The following TRIM16 variants were observed in gnomAD, a reference collection of about 807,000 sequenced individuals.
TRIM16 encodes the protein tripartite motif containing 16, also known as tripartite motif-containing protein 16.
A neutral mutation model predicts 50.4 loss-of-function variants in TRIM16; 33 were observed. That is an observed-to-expected ratio of 0.65 (90% CI 0.50 to 0.88). TRIM16 has a LOEUF of 0.88. TRIM16 is among the 40% of genes least tolerant of loss of function. The probability of loss-of-function intolerance (pLI) is 0.00; values close to 1 mark genes in which losing one functional copy is unlikely to be tolerated. For missense variants in TRIM16, 581 were observed against 686.8 expected (o/e 0.85, Z 1.72); for synonymous variants, 229 against 270.7 (o/e 0.85, Z 1.51).
At chr17:15,630,692 C>T (rs949080062) in intron 11 of TRIM16, among the ~76,000 whole-genome samples, 2 of 150,434 alleles carry the variant, frequency 1.3e-5, no homozygotes, top group East Asian at 2.0e-4. Context: ...TGGTGGCATG[C>T]GCCTGTGGTC....
intron 4 of TRIM16, among the ~76,000 whole-genome samples, chr17:15,680,013 G>A (rs946154729): frequency 6.6e-6 from 1 of 151,468 alleles, no homozygotes; most frequent in African/African-American, 2.4e-5. Flanking sequence ...AGTATAAGAA[G>A]CCTTTAAGTT....
intron 4 of TRIM16, 125 bp from the exon 5 acceptor site, chr17:15,677,846 A>G (rs1989012602): frequency 1.2e-6 from 1 of 819,420 alleles, no homozygotes; most frequent in African/African-American, 1.9e-5. Flanking sequence ...GAATCTTAAA[A>G]TCTTAAAATG....
In TRIM16 at chr17:15,629,183, G is replaced by A. The variant is rs201327520; in HGVS notation, c.1127C>T (p.Thr376Met). 77 of 1,610,520 alleles carry A rather than the reference G, an allele frequency of 4.8e-5. No individual in the cohort carries two copies. The highest frequency in any genetic ancestry group is 1.3e-5 in the African/African-American group (1 of 74,890). ...CTTGTGTGCTGTGTCCGGGTCAAAC[G>A]TGATGTCATACGCATCTGAGGAGAC... ...EQFLQYAYDI[T>M]FDPDTAHKYL... Residue 376 changes from threonine to methionine, a missense_variant, in exon 12 of 12, where the codon ACG (threonine) becomes ATG (methionine). Thr to Met is a moderately conservative substitution (Grantham distance 81, BLOSUM62 -1). Coordinates refer to ENST00000649191, the MANE Select transcript of TRIM16 (RefSeq NM_001348119.1).
chr17:15,655,113 C>T (rs1052203218), intron 6 of TRIM16, among the ~76,000 whole-genome samples: 4 of 152,184 alleles, frequency 2.6e-5, no homozygotes, highest in African/African-American at 9.7e-5. Context: ...CTGGCTTCTC[C>T]CAGTCCAGAC....
At chr17:15,663,107 C>A (rs1356584831) in intron 6 of TRIM16, among the ~76,000 whole-genome samples, 1 of 152,086 alleles carries the variant, frequency 6.6e-6, no homozygotes, top group Non-Finnish European at 1.5e-5. Flanking sequence ...GGGCACAATA[C>A]CCCCTCAGGA....
At chr17:15,631,383 G>T (rs1214117296) in intron 11 of TRIM16, among the ~76,000 whole-genome samples, 2 of 152,198 alleles carry the variant, frequency 1.3e-5, no homozygotes, top group Non-Finnish European at 2.9e-5. Context: ...GAGAAACTGA[G>T]TGAAAGATAT....
chr17:15,640,484 T>G (rs1292547907), intron 8 of TRIM16, among the ~76,000 whole-genome samples: 2 of 148,416 alleles, frequency 1.3e-5, no homozygotes, highest in Middle Eastern at 3.5e-3. Flanking sequence ...ATACACAGGC[T>G]GCTGCTGAGC....
intron 6 of TRIM16, among the ~76,000 whole-genome samples, chr17:15,671,009 C>T (rs1431785746): frequency 6.6e-6 from 1 of 152,298 alleles, no homozygotes; most frequent in African/African-American, 2.4e-5. Context: ...TTGGATTAAT[C>T]TGAAGTGCTT....
chr17:15,632,411 C>T, intron 10 of TRIM16, 98 bp downstream of exon 10: 1 of 1,442,028 alleles, frequency 6.9e-7, no homozygotes, highest in Non-Finnish European at 9.2e-7. Flanking sequence ...GAAACATTCC[C>T]CTGATTTCAT....
chr17:15,668,916 T>C (rs1988613607), intron 6 of TRIM16, among the ~76,000 whole-genome samples: 1 of 151,508 alleles, frequency 6.6e-6, no homozygotes, highest in Non-Finnish European at 1.5e-5. Flanking sequence ...ATAAGCAAAA[T>C]GTATAAGGAA....
Position 15,677,219 on chromosome 17 carries a change from T to C in TRIM16, c.-381A>G, listed in dbSNP as rs1470355898. ...GCACCTCTCCCTCCTGCATTTGTGT[T>C]CGTGGGCTTACCACTTCTTCCAACT... On this transcript the variant is annotated 5_prime_UTR_variant, in exon 6 of 12. Coordinates refer to ENST00000649191, the MANE Select transcript of TRIM16 (RefSeq NM_001348119.1). 3.0e-6 allele frequency: 3 copies of C among 985,454 alleles called. No individual in the cohort carries two copies. The highest frequency in any genetic ancestry group is 3.6e-6 in the Non-Finnish European group (3 of 829,934). 61.0% of individuals were successfully genotyped at this position (985,454 alleles called of 1,614,324 possible).
intron 6 of TRIM16, among the ~76,000 whole-genome samples, chr17:15,657,987 C>G (rs1988053175): frequency 2.0e-5 from 3 of 152,158 alleles, no homozygotes; most frequent in Admixed American, 2.0e-4. Flanking sequence ...TTTCCTAAAC[C>G]AAACCTACCA....
intron 6 of TRIM16, among the ~76,000 whole-genome samples, chr17:15,655,865 C>T (rs868362658): frequency 3.9e-5 from 6 of 152,208 alleles, no homozygotes; most frequent in South Asian, 2.1e-4. Context: ...TGAGCCACCG[C>T]GCCCAACGCG....
rs576617490 is a variant in TRIM16, at chr17:15,683,784, A to G, written c.-899+412T>C. 6 of 152,528 alleles carry G rather than the reference A, an allele frequency of 3.9e-5. No individual in the cohort carries two copies. The South Asian group carries it at 6.2e-4, about 16-fold the overall frequency. 9.4% of individuals were successfully genotyped at this position (152,528 alleles called of 1,614,324 possible). A position where few individuals can be genotyped will look rare whatever the true frequency, so the allele number is the denominator to read the frequency against. ...CCACTCTCTGAAAATGTGGATAAAC[A>G]GATCTCTGATATCCATCCCCTCCTA... On this transcript the variant is annotated intron_variant, in intron 1 of 11. Transcript: ENST00000649191.
intron 6 of TRIM16, among the ~76,000 whole-genome samples, chr17:15,676,593 G>A (rs1267375365): frequency 6.6e-6 from 1 of 150,816 alleles, no homozygotes; most frequent in Non-Finnish European, 1.5e-5. Flanking sequence ...CCGCCACCAC[G>A]CCCGGCTAAT....
chr17:15,682,783 A>G (rs1468511011), intron 3 of TRIM16, 71 bp downstream of exon 3: 1 of 1,316,064 alleles, frequency 7.6e-7, no homozygotes, highest in African/African-American at 1.5e-5. Context: ...GAAGTAAGGT[A>G]TCTTCTTTTT....
At chr17:15,649,681 G>T (rs1158868046) in intron 7 of TRIM16, among the ~76,000 whole-genome samples, 1 of 152,180 alleles carries the variant, frequency 6.6e-6, no homozygotes, top group Non-Finnish European at 1.5e-5. Flanking sequence ...TGCAAAAAAA[G>T]AGGATAATAT....
At chr17:15,647,892 G>A (rs1405279633) in intron 7 of TRIM16, among the ~76,000 whole-genome samples, 2 of 151,856 alleles carry the variant, frequency 1.3e-5, no homozygotes, top group Non-Finnish European at 2.9e-5. Flanking sequence ...CAGAGAAGGT[G>A]AGAAGACTTG....
At chr17:15,645,066 G>T (rs1020050109) in intron 7 of TRIM16, among the ~76,000 whole-genome samples, 1 of 152,102 alleles carries the variant, frequency 6.6e-6, no homozygotes, top group African/African-American at 2.4e-5. Context: ...CGCCTGCCTT[G>T]GCCTCCCAAA....
Sources: gnomAD v4.1 joint callset for allele counts (sites outside exome capture counted in the v4.1 genomes callset) on GRCh38, gnomAD v4.1.1 for gene constraint, MANE v1.5 for transcripts, NCBI Gene and HGNC (gene_info 2026-07-23, HGNC 2026-07-21) for gene names.